Variants in KLHL13 observed in about 807,000 individuals in gnomAD.
KLHL13 encodes the protein kelch-like protein 13.
A neutral mutation model predicts 37.1 loss-of-function variants in KLHL13; 10 were observed. The observed-to-expected ratio is 0.27, with a 90% CI of 0.17 to 0.46. The LOEUF (loss-of-function observed/expected upper bound fraction) is 0.46. Ranked by LOEUF, KLHL13 falls within the 20% of genes least tolerant of loss-of-function variation. The pLI is 1.00. For synonymous variants in KLHL13, 163 were observed against 181.2 expected (o/e 0.90, Z 0.81); for missense variants, 360 against 509.3 (o/e 0.71, Z 2.82).
chrX:118,022,738 C>T lies in KLHL13; in HGVS notation c.-55-77163G>A, dbSNP rs143298997. Among the ~76,000 whole-genome samples, 167 of 111,514 alleles carry T rather than the reference C, an allele frequency of 1.5e-3. 2 individuals carry two copies. The highest frequency in any genetic ancestry group is 5.3e-3 in the African/African-American group (162 of 30,740). On this transcript the variant is annotated intron_variant, in intron 1 of 6. Transcript: ENST00000371882. ...ATGTAAGTTATGTTAAGATATTAAC[C>T]CTCATCACATATATGGTTTGCAAAT... is the stretch of plus-strand genomic sequence containing the variant.
At chrX:118,059,243 T>C (rs1448300988) in intron 1 of KLHL13, among the ~76,000 whole-genome samples, 1 of 111,530 alleles carries the variant, frequency 9.0e-6, no homozygotes, top group Non-Finnish European at 1.9e-5. Context: ...AACCAAAGTA[T>C]TGAAAATGAA....
In KLHL13 at chrX:118,043,635, A is replaced by C. The variant is rs375436473; in HGVS notation, c.-56+72873T>G. On this transcript the variant is annotated intron_variant, in intron 1 of 6. Transcript: ENST00000371882. Reference sequence around the variant, plus strand: ...AATATCAATAGAAGGAAGGACAAAAACCTTATGATCATTTCAATTGATAAT... The same window carrying C: ...AATATCAATAGAAGGAAGGACAAAACCCTTATGATCATTTCAATTGATAAT... 1.5e-3 allele frequency among the ~76,000 whole-genome samples: 170 copies of C among 111,882 alleles called. 2 individuals carry two copies. The highest frequency in any genetic ancestry group is 5.3e-3 in the African/African-American group (165 of 30,884).
At chrX:117,919,147 C>T (rs1931547283) in intron 4 of KLHL13, among the ~76,000 whole-genome samples, 1 of 111,003 alleles carries the variant, frequency 9.0e-6, no homozygotes, top group African/African-American at 3.3e-5. Flanking sequence ...CCTCAGCCTC[C>T]CAAGTAGCTG....
intron 1 of KLHL13, among the ~76,000 whole-genome samples, chrX:118,068,229 C>T (rs750941893): frequency 8.9e-6 from 1 of 111,847 alleles, no homozygotes; most frequent in Admixed American, 9.5e-5. Context: ...TTGGATCCAG[C>T]CTTCAGAACA....
At chrX:118,081,490 T>G (rs753371246) in intron 1 of KLHL13, among the ~76,000 whole-genome samples, 1 of 111,398 alleles carries the variant, frequency 9.0e-6, no homozygotes, top group Non-Finnish European at 1.9e-5. Flanking sequence ...TGGACATATT[T>G]TTGGGGTGCA....
chrX:117,904,612 T>C (rs1196576956), intron 5 of KLHL13, among the ~76,000 whole-genome samples: 1 of 112,134 alleles, frequency 8.9e-6, no homozygotes, highest in Admixed American at 9.5e-5. Context: ...TTTTACACAT[T>C]GAAAAAGAAT....
intron 1 of KLHL13, among the ~76,000 whole-genome samples, chrX:118,017,294 T>C (rs920845167): frequency 8.0e-5 from 9 of 111,913 alleles, no homozygotes; most frequent in Non-Finnish European, 1.7e-4. Flanking sequence ...ATTTTGATTA[T>C]AGCTCTGTGA....
chrX:118,073,525 CCT>C (rs2148118814), intron 1 of KLHL13, among the ~76,000 whole-genome samples: 1 of 111,623 alleles, frequency 9.0e-6, no homozygotes, highest in East Asian at 2.8e-4. Context: ...CCAATATCAT[CCT>C]CTCTACATAT....
At chrX:117,914,462 A>G (rs1219036936) in intron 4 of KLHL13, 1 of 111,332 alleles carries the variant, frequency 9.0e-6, no homozygotes, top group African/African-American at 3.3e-5. Flanking sequence ...CTAGTTTATT[A>G]AAATGACAGC....
At chrX:117,927,186 T>C (rs1238353021) in intron 2 of KLHL13, among the ~76,000 whole-genome samples, 1 of 110,707 alleles carries the variant, frequency 9.0e-6, no homozygotes, top group East Asian at 2.9e-4. Flanking sequence ...AGGCCTGAGC[T>C]ACCGCGCCCG....
intron 1 of KLHL13, among the ~76,000 whole-genome samples, chrX:118,016,247 A>G (rs2054127702): frequency 8.9e-6 from 1 of 111,921 alleles, no homozygotes; most frequent in Admixed American, 9.5e-5. Context: ...ATTTTTAAAC[A>G]TGGAATGACC....
At chrX:117,919,436 C>T (rs1805495011) in intron 4 of KLHL13, 85 bp downstream of exon 5, 32 of 768,945 alleles carry the variant, frequency 4.2e-5, no homozygotes, top group Non-Finnish European at 6.1e-5. Context: ...GCAAGTTTCA[C>T]ATTCCTGCAC....
intron 1 of KLHL13, among the ~76,000 whole-genome samples, chrX:118,089,588 AAGAGAG>A (rs199722513): frequency 2.9e-3 from 235 of 80,171 alleles, no homozygotes; most frequent in African/African-American, 0.01. Context: ...AAGAAAAGAA[AAGAGAG>A]AGAGAGAGAG....
At chrX:118,002,286 A>G (rs2053930672) in intron 1 of KLHL13, among the ~76,000 whole-genome samples, 1 of 110,998 alleles carries the variant, frequency 9.0e-6, no homozygotes. Context: ...GTGTTATGAT[A>G]GATGTGCAAT....
At chrX:117,920,208 GT>G (rs1931613591) in intron 3 of KLHL13, 29 bp downstream of exon 4, 2 of 1,181,868 alleles carry the variant, frequency 1.7e-6, no homozygotes, top group Non-Finnish European at 2.3e-6. Flanking sequence ...TTGTTTTAAT[GT>G]GGTTTCAGAG....
chrX:118,004,729 G>T (rs766862753), intron 1 of KLHL13, among the ~76,000 whole-genome samples: 11 of 111,877 alleles, frequency 9.8e-5, no homozygotes, highest in Admixed American at 6.6e-4. Context: ...CTATTAATTA[G>T]AAATAAAAGA....
At chrX:117,987,771 A>G (rs2053744490) in intron 1 of KLHL13, among the ~76,000 whole-genome samples, 1 of 112,202 alleles carries the variant, frequency 8.9e-6, no homozygotes, top group Non-Finnish European at 1.9e-5. Flanking sequence ...ATATTCTCTC[A>G]ATGACTTAAA....
chrX:118,008,447 C>T (rs1156813401), intron 1 of KLHL13, among the ~76,000 whole-genome samples: 1 of 111,322 alleles, frequency 9.0e-6, no homozygotes, highest in Admixed American at 9.6e-5. Flanking sequence ...CAATGTACTA[C>T]TAGTATTGGA....
exon 7 of KLHL13, chrX:117,899,077 C>A (rs927520673): frequency 8.3e-7 from 1 of 1,209,422 alleles, no homozygotes; most frequent in Non-Finnish European, 1.1e-6. Flanking sequence ...TACCATACAA[C>A]GATTATTCCA....
Sources: allele counts gnomAD v4.1 joint callset (sites outside exome capture counted in the v4.1 genomes callset), GRCh38; gene constraint gnomAD v4.1.1; transcripts MANE v1.5; gene names NCBI Gene and HGNC (gene_info 2026-07-23, HGNC 2026-07-21).